Variants in AGAP1 observed in about 807,000 individuals in gnomAD.
AGAP1 encodes ArfGAP with GTPase domain, ankyrin repeat and PH domain 1, also known as arf-GAP with GTPase, ANK repeat and PH domain-containing protein 1.
In AGAP1, 29 loss-of-function variants were observed where a neutral mutation model predicts 105.3. The ratio of observed to expected loss-of-function variants is 0.28; its 90% CI spans 0.21 to 0.38. The LOEUF (loss-of-function observed/expected upper bound fraction) is 0.38, where lower values mean the gene tolerates loss of function less well. Ranked by LOEUF, AGAP1 falls within the 10% of genes least tolerant of loss-of-function variation. The pLI is 1.00. For synonymous variants in AGAP1, 509 were observed against 485.9 expected, an observed-to-expected ratio of 1.05 and a Z score of -0.63; for missense variants, 998 against 1,165.1, an observed-to-expected ratio of 0.86 and a Z score of 2.09.
At chr2:236,033,367 C>G (rs893865778) in intron 13 of AGAP1, among the ~76,000 whole-genome samples, 2 of 152,158 alleles carry the variant, frequency 1.3e-5, no homozygotes, top group African/African-American at 4.8e-5. Flanking sequence ...ATTTGTTCCC[C>G]TAAGTAGAGT....
chr2:236,048,525 T>C (rs893461234), intron 15 of AGAP1, among the ~76,000 whole-genome samples: 15 of 152,260 alleles, frequency 9.9e-5, no homozygotes, highest in African/African-American at 2.9e-4. Flanking sequence ...TTCTTCACTG[T>C]AGTGTACCTC....
At chr2:236,064,184 G>A (rs146405134) in intron 16 of AGAP1, among the ~76,000 whole-genome samples, 51 of 152,298 alleles carry the variant, frequency 3.3e-4, no homozygotes, top group African/African-American at 1.1e-3. Context: ...CTGTGAACCT[G>A]TCACCCAGAG....
chr2:235,647,697 C>T (rs1947437607), intron 1 of AGAP1, among the ~76,000 whole-genome samples: 1 of 152,118 alleles, frequency 6.6e-6, no homozygotes, highest in Non-Finnish European at 1.5e-5. Context: ...TGAGGAATCA[C>T]ATTTTAATAG....
rs1373751556 is a variant in AGAP1, at chr2:235,559,569, T to C, written c.163+64720T>C. On this transcript the variant is annotated intron_variant, in intron 1 of 17. Coordinates refer to ENST00000304032, the MANE Select transcript of AGAP1 (RefSeq NM_001037131.3). The surrounding 1 kb of genome is among the most constrained non-coding windows in gnomAD (Gnocchi z 5.7). ...GAAATAGAAAGCTAAAGGATATCCC[T>C]CATGATCCCTCATCCAGATCCCCAG... Among the ~76,000 whole-genome samples, 1 of 152,180 alleles carries C rather than the reference T, an allele frequency of 6.6e-6. No homozygotes were observed. Among genetic ancestry groups the C allele is most frequent in the Non-Finnish European group, 1.5e-5 (1 of 68,026 alleles).
At chr2:235,791,651 G>A (rs866741474) in intron 6 of AGAP1, among the ~76,000 whole-genome samples, 8 of 152,148 alleles carry the variant, frequency 5.3e-5, no homozygotes, top group East Asian at 1.9e-4. Flanking sequence ...GGGTTCAAGC[G>A]ATTCTCCTGC....
intron 1 of AGAP1, among the ~76,000 whole-genome samples, chr2:235,543,319 C>T (rs1381143523): frequency 6.6e-6 from 1 of 152,148 alleles, no homozygotes; most frequent in African/African-American, 2.4e-5. Flanking sequence ...CGGAAGGTAC[C>T]CGTTGTTCAG....
intron 1 of AGAP1, among the ~76,000 whole-genome samples, chr2:235,680,502 T>C (rs1949006917): frequency 1.3e-5 from 2 of 152,070 alleles, no homozygotes; most frequent in South Asian, 4.2e-4. Context: ...GTTCTGTGGC[T>C]CTCTATGGGC....
intron 16 of AGAP1, among the ~76,000 whole-genome samples, chr2:236,052,244 C>G (rs2057922213): frequency 6.6e-6 from 1 of 152,214 alleles, no homozygotes; most frequent in African/African-American, 2.4e-5. Context: ...GAGCTCTGGT[C>G]CATTCCATCT....
intron 1 of AGAP1, among the ~76,000 whole-genome samples, chr2:235,588,386 A>G (rs1945201433): frequency 6.6e-6 from 1 of 152,164 alleles, no homozygotes; most frequent in African/African-American, 2.4e-5. Flanking sequence ...TCTACACTCA[A>G]CCACCCTTCC....
chr2:235,770,514 G>A (rs1040799544), intron 6 of AGAP1, among the ~76,000 whole-genome samples: 1 of 152,034 alleles, frequency 6.6e-6, no homozygotes, highest in Admixed American at 6.6e-5. Context: ...TGCAACTGCC[G>A]CCTCCTAGGT....
rs1032070483 is a variant in AGAP1, at chr2:235,555,871, G to C, written c.163+61022G>C. 6.6e-6 allele frequency among the ~76,000 whole-genome samples: 1 copy of C among 152,152 alleles called. No individual in the cohort carries two copies. The highest frequency in any genetic ancestry group is 2.1e-4 in the South Asian group (1 of 4,822). ...GGCCTGAGTTTGCAGGTTTGTGCAG[G>C]GCATTGATTGGTTGGTTGGTTGATT... On this transcript the variant is annotated intron_variant, in intron 1 of 17. Transcript: ENST00000304032. The surrounding 1 kb of genome is among the most constrained non-coding windows in gnomAD (Gnocchi z 5.1).
chr2:235,763,644 C>T (rs1421686128), intron 6 of AGAP1, among the ~76,000 whole-genome samples: 1 of 152,168 alleles, frequency 6.6e-6, no homozygotes, highest in East Asian at 1.9e-4. Context: ...TCCAGGAGAC[C>T]TGTCCTAATT....
intron 6 of AGAP1, among the ~76,000 whole-genome samples, chr2:235,756,477 G>A (rs1359852890): frequency 6.6e-6 from 1 of 152,162 alleles, no homozygotes; most frequent in Non-Finnish European, 1.5e-5. Flanking sequence ...CAACCTGATA[G>A]TGGTACAAAG....
chr2:235,802,703 GTGATAA>G (rs1339472841), intron 8 of AGAP1, among the ~76,000 whole-genome samples: 10 of 141,318 alleles, frequency 7.1e-5, no homozygotes, highest in Non-Finnish European at 4.5e-5. Context: ...GATGATGGTT[GTGATAA>G]TGATGGTTGT....
At position 235,578,898 on chromosome 2, in the gene AGAP1, G is replaced by A. The variant is rs1371549916; in HGVS notation, c.163+84049G>A. ...AAATTTTACCTTTGTCTACCTATCT[G>A]CCTGTCCCTCTAGCTGTCAGTCACA... On this transcript the variant is annotated intron_variant, in intron 1 of 17. Transcript: ENST00000304032. This position sits in a 1 kb window ranked among gnomAD's most constrained non-coding sequence, Gnocchi z 4.9. 6.6e-6 allele frequency among the ~76,000 whole-genome samples: 1 copy of A among 151,384 alleles called. No homozygotes were observed. The highest frequency in any genetic ancestry group is 1.5e-5 in the Non-Finnish European group (1 of 67,942).
chr2:235,586,231 C>T lies in AGAP1; in HGVS notation c.163+91382C>T, dbSNP rs7604970. On this transcript the variant is annotated intron_variant, in intron 1 of 17. Transcript: ENST00000304032. This position sits in a 1 kb window ranked among gnomAD's most constrained non-coding sequence, Gnocchi z 4.2. ...GAGGGTGAGCCCTCAGCCCGCCATA[C>T]GGGCATGTTATCCAGAAGAGAGGAG... is the stretch of plus-strand genomic sequence containing the variant. Among the ~76,000 whole-genome samples, 83,299 of 152,072 alleles carry T rather than the reference C, an allele frequency of 0.55. 23,420 individuals are homozygous for T. The highest frequency in any genetic ancestry group is 0.65 in the African/African-American group (26,869 of 41,468).
chr2:235,788,015 C>T lies in AGAP1; in HGVS notation c.674-9744C>T, dbSNP rs1175504197. 6.6e-6 allele frequency among the ~76,000 whole-genome samples: 1 copy of T among 152,198 alleles called. No homozygotes were observed. The highest frequency in any genetic ancestry group is 1.5e-5 in the Non-Finnish European group (1 of 68,032). On this transcript the variant is annotated intron_variant, in intron 6 of 17. Coordinates refer to ENST00000304032, the MANE Select transcript of AGAP1 (RefSeq NM_001037131.3). The surrounding 1 kb of genome is among the most constrained non-coding windows in gnomAD (Gnocchi z 6.0). ...ACCAAGAGTTTGACCAAGTATTATA[C>T]ATTCTGGGACCTTCCTAGGCCATTG... is the stretch of plus-strand genomic sequence containing the variant.
rs533377692 is a variant in AGAP1 at position 236,040,905 on chromosome 2, G to A, written c.1891+64G>A. ...AGCTGGAGACCACATGGTCCCACTA[G>A]GCCCGGGTTGCAGGGGACTCACATC... On this transcript the variant is annotated intron_variant, in intron 15 of 17. Coordinates refer to ENST00000304032, the MANE Select transcript of AGAP1 (RefSeq NM_001037131.3). This position sits in a 1 kb window ranked among gnomAD's most constrained non-coding sequence, Gnocchi z 5.6. 5 of 1,553,716 alleles carry A rather than the reference G, an allele frequency of 3.2e-6. No homozygotes were observed. Among genetic ancestry groups the A allele is most frequent in the Non-Finnish European group, 4.4e-6 (5 of 1,127,586 alleles).
At chr2:235,771,639 G>T (rs570032564) in intron 6 of AGAP1, among the ~76,000 whole-genome samples, 1 of 152,172 alleles carries the variant, frequency 6.6e-6, no homozygotes, top group Admixed American at 6.5e-5. Context: ...AAGCTGAAGC[G>T]AGGAGAGGCT....
Sources: gnomAD v4.1 joint callset for allele counts (sites outside exome capture counted in the v4.1 genomes callset) on GRCh38, gnomAD v4.1.1 for gene constraint, Gnocchi (gnomAD v3.1) non-coding constraint, MANE v1.5 for transcripts, NCBI Gene and HGNC (gene_info 2026-07-23, HGNC 2026-07-21) for gene names.